SIGLEC9: variants seen among roughly 807,000 people sequenced by gnomAD.
SIGLEC9 encodes the protein sialic acid-binding Ig-like lectin 9.
SIGLEC9 carries 26 observed loss-of-function variants against 38.3 expected under a neutral mutation model. The ratio of observed to expected loss-of-function variants is 0.68; its 90% CI spans 0.50 to 0.94. The LOEUF (loss-of-function observed/expected upper bound fraction) is 0.94, where lower values mean the gene tolerates loss of function less well. Among genes scored for constraint, SIGLEC9 ranks in the 40% least tolerant of loss-of-function variants. The pLI is 0.00. For synonymous variants in SIGLEC9, 236 were observed against 248.0 expected (o/e 0.95, Z 0.45); for missense variants, 556 against 585.7 (o/e 0.95, Z 0.52).
intron 2 of SIGLEC9, 29 bp downstream of exon 2, chr19:51,125,904 C>A (rs1230404831): frequency 6.2e-7 from 1 of 1,613,632 alleles, no homozygotes; most frequent in African/African-American, 1.3e-5. Context: ...CGCCTGGGTC[C>A]CTGATGGGGT....
rs2092005725 is a variant in SIGLEC9 at position 51,129,912 on chromosome 19, G to A, written c.1225G>A (p.Ala409Thr). Residue 409 changes from alanine (A) to threonine (T), a missense_variant, in exon 7 of 7, where the codon GCA (alanine) becomes ACA (threonine). Ala to Thr is a moderately conservative substitution (Grantham distance 58). Transcript: ENST00000250360. ...ASQGPLTEPWAEDSPPDQPPP... is the reference protein window; with the variant it reads ...ASQGPLTEPWTEDSPPDQPPP... ...TCAGGGGCCCCTGACTGAACCTTGG[G>A]CAGAAGACAGTCCCCCAGACCAGCC... 1 of 1,603,794 alleles carries A rather than the reference G, an allele frequency of 6.2e-7. No homozygotes were observed. The highest frequency in any genetic ancestry group is 8.5e-7 in the Non-Finnish European group (1 of 1,175,160).
upstream of SIGLEC9, among the ~76,000 whole-genome samples, chr19:51,121,582 C>CTTT (rs374127142): frequency 8.1e-5 from 10 of 123,784 alleles, no homozygotes; most frequent in Non-Finnish European, 1.4e-4. Flanking sequence ...CCTTTGCTGT[C>CTTT]TTTTTTTTTT....
At chr19:51,132,189 C>T (rs1470465605), downstream of SIGLEC9, among the ~76,000 whole-genome samples, 3 of 152,150 alleles carry the variant, frequency 2.0e-5, no homozygotes, top group African/African-American at 7.2e-5. Context: ...CCTCTCTTGC[C>T]GTATTGTCTG....
chr19:51,129,839 G>A (rs936786998), intron 6 of SIGLEC9, 52 bp from the exon 7 acceptor site: 7 of 1,348,896 alleles, frequency 5.2e-6, no homozygotes, highest in Admixed American at 2.3e-5. Context: ...GTGAGCCACC[G>A]CGCCCCATCC....
upstream of SIGLEC9, chr19:51,122,720 A>C (rs1309663598): frequency 2.0e-5 from 3 of 152,318 alleles, no homozygotes; most frequent in Non-Finnish European, 4.4e-5. The surrounding 1 kb of genome is among the most constrained non-coding windows in gnomAD (Gnocchi z 4.1). Context: ...AAAGACCCTG[A>C]ACAATGGTAC....
downstream of SIGLEC9, among the ~76,000 whole-genome samples, chr19:51,133,435 AAT>A (rs1415083474): frequency 7.3e-6 from 1 of 137,358 alleles, no homozygotes; most frequent in Admixed American, 7.2e-5. Flanking sequence ...AAAAAAAAAA[AAT>A]TAGCTGGGTG....
intron 3 of SIGLEC9, 31 bp downstream of exon 3, chr19:51,126,159 G>A (rs1356849220): frequency 6.2e-6 from 10 of 1,601,944 alleles, no homozygotes; most frequent in Non-Finnish European, 8.6e-6. Context: ...TGGGGCTGGA[G>A]GAGCAGGGCC....
chr19:51,126,055 C>T (rs759183039), intron 2 of SIGLEC9, 26 bp from the exon 3 acceptor site: 10 of 1,612,344 alleles, frequency 6.2e-6, no homozygotes, highest in Admixed American at 5.0e-5. Context: ...CACAGTGATG[C>T]GGGTCTCCAT....
upstream of SIGLEC9, among the ~76,000 whole-genome samples, chr19:51,122,461 A>C (rs529561040): frequency 1.3e-5 from 2 of 152,042 alleles, no homozygotes; most frequent in South Asian, 4.2e-4. The surrounding 1 kb of genome is among the most constrained non-coding windows in gnomAD (Gnocchi z 4.1). Flanking sequence ...CATGCCTGTA[A>C]TCCCAGCTAC....
chr19:51,124,996 C>T lies in SIGLEC9; in HGVS notation c.22C>T (p.Leu8=), dbSNP rs141192458. Residue 8 remains leucine, a synonymous_variant, in exon 1 of 7, where the codon CTG becomes TTG. Transcript: ENST00000250360. ...AGACATGCTGCTGCTGCTGCTGCCC[C>T]TGCTCTGGGGGAGGGAGAGGGCGGA... MLLLLLP[L]LWGRERAEGQ... The T allele has an allele frequency of 1.5e-4, 236 of 1,609,218 alleles. 2 individuals carry two copies. The African/African-American group carries it at 2.2e-3, about 15-fold the overall frequency.
At position 51,127,263 on chromosome 19, in the gene SIGLEC9, T is replaced by C; in HGVS notation, c.982T>C (p.Ser328Pro). 1.2e-6 allele frequency: 2 copies of C among 1,613,736 alleles called. No individual in the cohort carries two copies. Among genetic ancestry groups the C allele is most frequent in the Non-Finnish European group, 1.7e-6 (2 of 1,179,766 alleles). The change falls in exon 4 of 7, where the codon TCT (serine) becomes CCT (proline). Residue 328 changes from serine to proline, a missense_variant. Physicochemically the swap from Ser to Pro is moderately conservative, Grantham distance 74. Transcript: ENST00000250360. The part of the protein sequence containing the change: ...FTCRAQNPLG[S>P]QQVYLNVSLQ... Reference sequence around the variant, plus strand: ...CTGCAGAGCTCAGAACCCTCTCGGCTCTCAGCAGGTCTACCTGAACGTCTC... The same window carrying C: ...CTGCAGAGCTCAGAACCCTCTCGGCCCTCAGCAGGTCTACCTGAACGTCTC...
chr19:51,125,219 C>G lies in SIGLEC9; in HGVS notation c.245C>G (p.Ala82Gly). Residue 82 changes from alanine (A) to glycine (G), a missense_variant, in exon 1 of 7, where the codon GCA becomes GGA. By Grantham distance (60) the Ala-to-Gly change is moderately conservative. Transcript: ENST00000250360. ...APVATNNPAR[A>G]VWEETRDRFH... ...GTGGCCACAAACAACCCAGCTCGGG[C>G]AGTGTGGGAGGAGACTCGGGACCGA... The G allele has an allele frequency of 1.9e-6, 3 of 1,614,090 alleles. No homozygotes were observed. The highest frequency in any genetic ancestry group is 2.5e-6 in the Non-Finnish European group (3 of 1,179,984).
intron 1 of SIGLEC9, 60 bp from the exon 2 acceptor site, chr19:51,125,537 C>T (rs1218806783): frequency 1.9e-6 from 3 of 1,582,436 alleles, no homozygotes; most frequent in South Asian, 1.1e-5. Flanking sequence ...AGCCTGAGCT[C>T]CCCCCAGGGC....
chr19:51,126,820 T>C (rs1405658822), intron 3 of SIGLEC9, among the ~76,000 whole-genome samples: 1 of 152,222 alleles, frequency 6.6e-6, no homozygotes, highest in Non-Finnish European at 1.5e-5. Context: ...AGCTACATTA[T>C]ATGTTCTTTC....
chr19:51,125,820 G>A lies in SIGLEC9; in HGVS notation c.645G>A (p.Val215=). The part of the protein sequence containing the change: ...QDHGTSLTCQ[V]TFPGASVTTN... Reference sequence around the variant, plus strand: ...ATGGCACCAGCCTCACCTGTCAGGTGACCTTCCCTGGGGCCAGCGTGACCA... The same window carrying A: ...ATGGCACCAGCCTCACCTGTCAGGTAACCTTCCCTGGGGCCAGCGTGACCA... The change falls in exon 2 of 7, where the codon GTG becomes GTA. Residue 215 remains valine (V), a synonymous_variant. Transcript: ENST00000250360. 1 of 1,614,160 alleles carries A rather than the reference G, an allele frequency of 6.2e-7. No homozygotes were observed. Among genetic ancestry groups the A allele is most frequent in the Non-Finnish European group, 8.5e-7 (1 of 1,180,022 alleles).
At chr19:51,128,574 A>G (rs765076322) in intron 6 of SIGLEC9, 64 bp downstream of exon 6, 7 of 1,455,262 alleles carry the variant, frequency 4.8e-6, no homozygotes, top group Non-Finnish European at 4.8e-6. Flanking sequence ...GATGACCCCC[A>G]GGACTAATCA....
At chr19:51,121,625 C>T (rs148358590), upstream of SIGLEC9, among the ~76,000 whole-genome samples, 92 of 133,118 alleles carry the variant, frequency 6.9e-4, 2 homozygotes, top group African/African-American at 2.5e-3. Flanking sequence ...TCGCTCTTGT[C>T]GTCCAGGCTG....
In SIGLEC9 at chr19:51,130,015, C is replaced by A; in HGVS notation, c.1328C>A (p.Pro443His). 1 of 1,614,006 alleles carries A rather than the reference C, an allele frequency of 6.2e-7. No individual in the cohort carries two copies. The highest frequency in any genetic ancestry group is 8.5e-7 in the Non-Finnish European group (1 of 1,179,956). The stretch of plus-strand genomic sequence containing the variant: ...TCCCTCAGCTTCCAGATGGTGAAGC[C>A]TTGGGACTCGCGGGGACAGGAGGCC... ...YASLSFQMVKPWDSRGQEATD... is the reference protein window; with the variant it reads ...YASLSFQMVKHWDSRGQEATD... The change falls in exon 7 of 7, where the codon CCT (proline) becomes CAT (histidine). Residue 443 changes from proline to histidine, a missense_variant. Transcript: ENST00000250360.
chr19:51,124,891 C>G (rs574810118), upstream of SIGLEC9: 29 of 1,528,106 alleles, frequency 1.9e-5, no homozygotes, highest in Non-Finnish European at 2.5e-5. Flanking sequence ...AGGGCCTCCT[C>G]TAAGTCTTGA....
Sources: gnomAD v4.1 joint callset for allele counts (sites outside exome capture counted in the v4.1 genomes callset) on GRCh38, gnomAD v4.1.1 for gene constraint, Gnocchi (gnomAD v3.1) non-coding constraint, MANE v1.5 for transcripts, NCBI Gene and HGNC (gene_info 2026-07-23, HGNC 2026-07-21) for gene names.